Variants in DSCAML1 observed in about 807,000 individuals in gnomAD.
DSCAML1 encodes the protein DS cell adhesion molecule like 1.
DSCAML1 carries 38 observed loss-of-function variants against 200.5 expected under a neutral mutation model. That is an observed-to-expected ratio of 0.19 (90% CI 0.15 to 0.25). The LOEUF (loss-of-function observed/expected upper bound fraction) is 0.25, where lower values mean the gene tolerates loss of function less well. Ranked by LOEUF, DSCAML1 falls within the 10% of genes least tolerant of loss-of-function variation. The pLI, the probability that DSCAML1 is intolerant of heterozygous loss-of-function variation, is 1.00. For missense variants in DSCAML1, 2,223 were observed against 2,858.8 expected (o/e 0.78, Z 5.07); for synonymous variants, 1,215 against 1,165.0 (o/e 1.04, Z -0.87).
intron 3 of DSCAML1, among the ~76,000 whole-genome samples, chr11:117,679,207 C>T (rs1339681138): frequency 6.6e-6 from 1 of 152,224 alleles, no homozygotes; most frequent in Non-Finnish European, 1.5e-5. Context: ...CTTAGATCCC[C>T]TGGGCCCAGC....
chr11:117,789,492 G>A (rs534362856), intron 1 of DSCAML1, among the ~76,000 whole-genome samples: 4 of 152,204 alleles, frequency 2.6e-5, no homozygotes, highest in Admixed American at 6.5e-5. Context: ...CTACCCCAGG[G>A]ACACAGCTCA....
intron 3 of DSCAML1, among the ~76,000 whole-genome samples, chr11:117,697,444 G>T (rs1179570458): frequency 6.6e-6 from 1 of 152,034 alleles, no homozygotes; most frequent in Non-Finnish European, 1.5e-5. Flanking sequence ...GGCAAAATAT[G>T]CATAATATAA....
chr11:117,755,395 G>A (rs1255424926), intron 3 of DSCAML1, among the ~76,000 whole-genome samples: 1 of 152,110 alleles, frequency 6.6e-6, no homozygotes, highest in African/African-American at 2.4e-5. Flanking sequence ...AAGAGATAAC[G>A]CTTGTGAAAT....
chr11:117,795,082 A>G (rs750079315), intron 1 of DSCAML1, among the ~76,000 whole-genome samples: 2 of 152,110 alleles, frequency 1.3e-5, no homozygotes, highest in Non-Finnish European at 2.9e-5. Flanking sequence ...CTCCCGCCCT[A>G]TCAAATAGCT....
intron 3 of DSCAML1, among the ~76,000 whole-genome samples, chr11:117,533,409 A>G (rs961350944): frequency 1.3e-5 from 2 of 152,210 alleles, no homozygotes; most frequent in Non-Finnish European, 2.9e-5. Context: ...GCATGGAATT[A>G]TACATAAGCC....
chr11:117,740,094 AG>A (rs2054395367), intron 3 of DSCAML1, among the ~76,000 whole-genome samples: 1 of 152,196 alleles, frequency 6.6e-6, no homozygotes, highest in Admixed American at 6.5e-5. Context: ...GGCACCTTCA[AG>A]AGAGAGGGGC....
chr11:117,700,652 CT>C (rs1204495856), intron 3 of DSCAML1, among the ~76,000 whole-genome samples: 5 of 152,320 alleles, frequency 3.3e-5, no homozygotes, highest in African/African-American at 1.2e-4. Flanking sequence ...CTAAGGAGCA[CT>C]GATCAATATG....
chr11:117,815,501 G>A (rs2055797297), intron 1 of DSCAML1, among the ~76,000 whole-genome samples: 1 of 152,138 alleles, frequency 6.6e-6, no homozygotes, highest in South Asian at 2.1e-4. Context: ...TCCCCTCCCT[G>A]CTGCCCTGCT....
chr11:117,622,284 C>G (rs2051949811), intron 3 of DSCAML1, among the ~76,000 whole-genome samples: 1 of 152,174 alleles, frequency 6.6e-6, no homozygotes. Flanking sequence ...GAGACACACA[C>G]CTGCTGTGGT....
intron 3 of DSCAML1, among the ~76,000 whole-genome samples, chr11:117,561,500 G>A (rs1335321966): frequency 2.0e-5 from 3 of 152,200 alleles, no homozygotes; most frequent in Non-Finnish European, 4.4e-5. Context: ...GGCTGCTCCA[G>A]TCATGTCTCC....
intron 3 of DSCAML1, among the ~76,000 whole-genome samples, chr11:117,581,186 C>T (rs1359657600): frequency 6.6e-6 from 1 of 152,126 alleles, no homozygotes. Context: ...AAGGGTCTCC[C>T]CACGGTAATG....
At chr11:117,670,674 C>T (rs2053086303) in intron 3 of DSCAML1, among the ~76,000 whole-genome samples, 1 of 152,192 alleles carries the variant, frequency 6.6e-6, no homozygotes, top group African/African-American at 2.4e-5. Context: ...CTGGAGGCAT[C>T]TGGCCACTCC....
chr11:117,592,033 T>A lies in DSCAML1; in HGVS notation c.512-59511A>T, dbSNP rs541718182. ...GCCAGGTTGGGTGACAGGCCCCTGATCTGAGTCAATCATGTCTATGGGGAG... is the reference window on the plus strand; with the variant it reads ...GCCAGGTTGGGTGACAGGCCCCTGAACTGAGTCAATCATGTCTATGGGGAG... On this transcript the variant is annotated intron_variant, in intron 3 of 32. Transcript: ENST00000651296. Among the ~76,000 whole-genome samples, 4 of 152,204 alleles carry A rather than the reference T, an allele frequency of 2.6e-5. No individual in the cohort carries two copies. The East Asian group carries it at 7.7e-4, about 29-fold the overall frequency.
chr11:117,462,793 A>G (rs1456746605), intron 17 of DSCAML1, among the ~76,000 whole-genome samples: 1 of 152,224 alleles, frequency 6.6e-6, no homozygotes, highest in Admixed American at 6.5e-5. Flanking sequence ...GAGTGCTAAT[A>G]TTGCCAGGAA....
intron 3 of DSCAML1, among the ~76,000 whole-genome samples, chr11:117,587,860 T>A (rs892051327): frequency 6.6e-6 from 1 of 152,114 alleles, no homozygotes. Flanking sequence ...GGGAGAGCTG[T>A]GTTCTGAGCT....
chr11:117,737,504 G>A (rs138872760), intron 3 of DSCAML1, among the ~76,000 whole-genome samples: 11 of 152,326 alleles, frequency 7.2e-5, no homozygotes, highest in Middle Eastern at 3.4e-3. Context: ...GTCCAAGACC[G>A]GGACAGCAGG....
At chr11:117,519,236 C>T (rs2137312302) in intron 6 of DSCAML1, among the ~76,000 whole-genome samples, 1 of 152,364 alleles carries the variant, frequency 6.6e-6, no homozygotes, top group Admixed American at 6.5e-5. Flanking sequence ...ATGGAACCGC[C>T]TGGCCCTGTG....
At chr11:117,713,663 A>C (rs1260627849) in intron 3 of DSCAML1, among the ~76,000 whole-genome samples, 3 of 152,154 alleles carry the variant, frequency 2.0e-5, no homozygotes, top group Admixed American at 6.5e-5. Context: ...TACCAAACAA[A>C]ACAAACATAA....
intron 3 of DSCAML1, among the ~76,000 whole-genome samples, chr11:117,747,482 C>G (rs995561293): frequency 2.0e-5 from 3 of 152,134 alleles, no homozygotes; most frequent in Admixed American, 6.5e-5. Flanking sequence ...CACGCACCAC[C>G]AGCACAATAC....
Sources: allele counts gnomAD v4.1 joint callset (sites outside exome capture counted in the v4.1 genomes callset), GRCh38; gene constraint gnomAD v4.1.1; transcripts MANE v1.5; gene names NCBI Gene and HGNC (gene_info 2026-07-23, HGNC 2026-07-21).